Variants in CACNA1E observed in about 807,000 individuals in gnomAD.
CACNA1E encodes the protein calcium voltage-gated channel subunit alpha1 E.
A neutral mutation model predicts 259.2 loss-of-function variants in CACNA1E; 40 were observed. The observed-to-expected ratio is 0.15, with a 90% CI of 0.12 to 0.20. The LOEUF is 0.20. CACNA1E is among the 10% of genes least tolerant of loss of function. The pLI is 1.00. For synonymous variants in CACNA1E, 1,104 were observed against 1,138.5 expected, an observed-to-expected ratio of 0.97 and a Z score of 0.61; for missense variants, 1,874 against 3,040.1, an observed-to-expected ratio of 0.62 and a Z score of 9.02.
chr1:181,656,926 G>A (rs1659253571), intron 7 of CACNA1E, among the ~76,000 whole-genome samples: 1 of 152,156 alleles, frequency 6.6e-6, no homozygotes, highest in Non-Finnish European at 1.5e-5. Flanking sequence ...ATATAGCCTA[G>A]GTATGTAGTA....
At chr1:181,409,257 T>C (rs1208008508) in intron 1 of CACNA1E, among the ~76,000 whole-genome samples, 1 of 152,220 alleles carries the variant, frequency 6.6e-6, no homozygotes, top group African/African-American at 2.4e-5. Flanking sequence ...CATGCAAAGC[T>C]TGAAATATTT....
At chr1:181,687,358 A>G (rs1413283626) in intron 7 of CACNA1E, among the ~76,000 whole-genome samples, 1 of 151,976 alleles carries the variant, frequency 6.6e-6, no homozygotes, top group African/African-American at 2.4e-5. Flanking sequence ...CCCCACTTGG[A>G]GTTGGGATTA....
intron 1 of CACNA1E, 35 bp downstream of exon 1, chr1:181,484,045 C>T: frequency 6.3e-7 from 1 of 1,596,736 alleles, no homozygotes; most frequent in East Asian, 2.2e-5. Context: ...TCCCTCTCCC[C>T]CTTTGCATTT....
intron 1 of CACNA1E, among the ~76,000 whole-genome samples, chr1:181,378,389 C>A (rs1655242019): frequency 6.6e-6 from 1 of 152,238 alleles, no homozygotes; most frequent in Non-Finnish European, 1.5e-5. Context: ...CCTTACTTTA[C>A]TGTCTTGAGA....
At chr1:181,673,753 C>T (rs1287470045) in intron 7 of CACNA1E, among the ~76,000 whole-genome samples, 1 of 152,146 alleles carries the variant, frequency 6.6e-6, no homozygotes, top group Non-Finnish European at 1.5e-5. Flanking sequence ...ATGACCCCAC[C>T]CCTCTCCTGA....
chr1:181,442,702 T>C (rs139449503), intron 2 of CACNA1E, among the ~76,000 whole-genome samples: 35 of 152,262 alleles, frequency 2.3e-4, no homozygotes, highest in Middle Eastern at 3.4e-3. Flanking sequence ...CATGTCCTGG[T>C]TCTTTGTGTT....
intron 7 of CACNA1E, among the ~76,000 whole-genome samples, chr1:181,658,834 C>G (rs913378621): frequency 6.6e-6 from 1 of 152,018 alleles, no homozygotes; most frequent in African/African-American, 2.4e-5. Context: ...ATCATTCTGA[C>G]CTGGTTTCTT....
chr1:181,542,980 G>A (rs1668716360), intron 3 of CACNA1E, among the ~76,000 whole-genome samples: 1 of 145,860 alleles, frequency 6.9e-6, no homozygotes, highest in African/African-American at 2.6e-5. Context: ...AAGTCTTAAG[G>A]ATTTTTTGTT....
chr1:181,551,358 G>A (rs1382550707), intron 3 of CACNA1E, among the ~76,000 whole-genome samples: 1 of 152,214 alleles, frequency 6.6e-6, no homozygotes, highest in African/African-American at 2.4e-5. Context: ...GTGATGGTGG[G>A]TGGTTGGTGG....
chr1:181,669,755 G>C (rs1247302406), intron 7 of CACNA1E, among the ~76,000 whole-genome samples: 3 of 152,142 alleles, frequency 2.0e-5, no homozygotes, highest in African/African-American at 4.8e-5. Context: ...CTGAGATTTT[G>C]AGCATTGTTT....
chr1:181,563,260 C>A (rs577530608), intron 3 of CACNA1E, among the ~76,000 whole-genome samples: 3 of 152,168 alleles, frequency 2.0e-5, no homozygotes, highest in East Asian at 1.9e-4. Context: ...GCCTGTCATG[C>A]AAATCAACTT....
chr1:181,653,853 A>C (rs1658969117), intron 7 of CACNA1E, among the ~76,000 whole-genome samples: 1 of 152,202 alleles, frequency 6.6e-6, no homozygotes. Flanking sequence ...GATGTGAACA[A>C]ATCTTTTGGG....
At chr1:181,781,273 C>T (rs995425714) in intron 38 of CACNA1E, among the ~76,000 whole-genome samples, 154 bp from the exon 39 acceptor site, 4 of 152,062 alleles carry the variant, frequency 2.6e-5, no homozygotes, top group African/African-American at 9.7e-5. Context: ...TTTTCTTCTC[C>T]TGTTTTCTGT....
At chr1:181,583,821 C>T (rs1360639572) in intron 6 of CACNA1E, among the ~76,000 whole-genome samples, 1 of 152,096 alleles carries the variant, frequency 6.6e-6, no homozygotes, top group Non-Finnish European at 1.5e-5. Context: ...TTCCCTCCCT[C>T]CTCTGGTGGA....
rs572458304 is a variant in CACNA1E, at chr1:181,606,874, G to T, written c.951+26098G>T. 3.9e-5 allele frequency among the ~76,000 whole-genome samples: 6 copies of T among 152,182 alleles called. No homozygotes were observed. The East Asian group carries it at 1.2e-3, about 29-fold the overall frequency. Reference sequence around the variant, plus strand: ...CCATTTGGGCTAATTCCTACTTATTGTTTCCATCTCAGTGTAAAGGACATA... The same window carrying T: ...CCATTTGGGCTAATTCCTACTTATTTTTTCCATCTCAGTGTAAAGGACATA... On this transcript the variant is annotated intron_variant, in intron 6 of 47. Coordinates refer to ENST00000367573, the MANE Select transcript of CACNA1E (RefSeq NM_001205293.3).
chr1:181,413,635 G>C (rs1658043978), intron 2 of CACNA1E: 1 of 152,822 alleles, frequency 6.5e-6, no homozygotes, highest in Non-Finnish European at 1.5e-5. Context: ...TGAGGTCGGG[G>C]TGGGTTCCTG....
At chr1:181,591,468 A>G (rs76932714) in intron 6 of CACNA1E, among the ~76,000 whole-genome samples, 12,271 of 152,270 alleles carry the variant, frequency 0.081, 612 homozygotes, top group South Asian at 0.22. Flanking sequence ...CAAGACTGCA[A>G]TAGTCATCTA....
chr1:181,717,943 G>GA, intron 11 of CACNA1E, 112 bp from the exon 12 acceptor site: 1 of 625,540 alleles, frequency 1.6e-6, no homozygotes, highest in Non-Finnish European at 2.9e-6. Flanking sequence ...TGTGGCCACC[G>GA]AATGTCCTGA....
intron 6 of CACNA1E, among the ~76,000 whole-genome samples, chr1:181,596,454 G>T (rs1211352488): frequency 6.6e-6 from 1 of 152,142 alleles, no homozygotes; most frequent in Non-Finnish European, 1.5e-5. Flanking sequence ...ATAGAGGGCA[G>T]GTGTACAAGG....
Sources: gnomAD v4.1 joint callset for allele counts (sites outside exome capture counted in the v4.1 genomes callset) on GRCh38, gnomAD v4.1.1 for gene constraint, MANE v1.5 for transcripts, NCBI Gene and HGNC (gene_info 2026-07-23, HGNC 2026-07-21) for gene names.